The following TRDN variants were observed in gnomAD, a reference collection of about 807,000 sequenced individuals.
TRDN encodes triadin, also known as triadin in skeletal muscle.
Under a neutral mutation model 149.7 loss-of-function variants are expected in TRDN, and 161 were observed. That is an observed-to-expected ratio of 1.08 (90% CI 0.95 to 1.23). The LOEUF is 1.23. TRDN is among the 50% of genes most tolerant of loss of function. The pLI is 0.00. For missense variants in TRDN, 896 were observed against 823.5 expected, an observed-to-expected ratio of 1.09 and a Z score of -1.08; for synonymous variants, 294 against 250.5, an observed-to-expected ratio of 1.17 and a Z score of -1.64.
chr6:123,420,516 C>A (rs1773853429), intron 12 of TRDN, among the ~76,000 whole-genome samples: 1 of 152,134 alleles, frequency 6.6e-6, no homozygotes, highest in South Asian at 2.1e-4. Context: ...CTAATTAAGA[C>A]TCCACATACA....
chr6:123,585,145 G>A (rs148943960), intron 1 of TRDN, among the ~76,000 whole-genome samples: 13,439 of 136,436 alleles, frequency 0.099, 796 homozygotes, highest in African/African-American at 0.16. Context: ...GGGTTAAGGT[G>A]GGGGAATACA....
intron 1 of TRDN, among the ~76,000 whole-genome samples, chr6:123,584,663 C>G (rs1034394127): frequency 6.6e-6 from 1 of 152,094 alleles, no homozygotes; most frequent in Non-Finnish European, 1.5e-5. Context: ...TGAAGCCTTG[C>G]GGCAGTACAG....
chr6:123,342,751 T>C (rs1313279012), intron 21 of TRDN, among the ~76,000 whole-genome samples: 1 of 152,150 alleles, frequency 6.6e-6, no homozygotes, highest in East Asian at 1.9e-4. Context: ...GGGAGCATCC[T>C]GGATTATAAA....
chr6:123,608,055 A>G (rs9482414), intron 1 of TRDN, among the ~76,000 whole-genome samples: 8,320 of 152,076 alleles, frequency 0.055, 245 homozygotes, highest in Non-Finnish European at 0.058. Flanking sequence ...CTATACTCCA[A>G]AATTTACTAA....
intron 18 of TRDN, among the ~76,000 whole-genome samples, chr6:123,377,515 A>G (rs1206807861): frequency 6.6e-6 from 1 of 152,186 alleles, no homozygotes; most frequent in Non-Finnish European, 1.5e-5. Context: ...ACACACATTG[A>G]GGAGCAAGAG....
intron 10 of TRDN, among the ~76,000 whole-genome samples, chr6:123,448,284 C>A (rs1364144010): frequency 1.3e-5 from 2 of 152,160 alleles, no homozygotes; most frequent in African/African-American, 4.8e-5. Context: ...ACTCCACAGG[C>A]AGGGGAAGAA....
chr6:123,459,521 T>G (rs1218792749), intron 10 of TRDN, among the ~76,000 whole-genome samples: 2 of 152,186 alleles, frequency 1.3e-5, no homozygotes, highest in Non-Finnish European at 2.9e-5. Flanking sequence ...ACCATTCTAT[T>G]CTCTTGCCTC....
chr6:123,226,552 A>G (rs1184722555), intron 38 of TRDN, among the ~76,000 whole-genome samples: 1 of 151,890 alleles, frequency 6.6e-6, no homozygotes, highest in Non-Finnish European at 1.5e-5. Flanking sequence ...GCTATAAGTG[A>G]CAAAAGCTGG....
intron 10 of TRDN, among the ~76,000 whole-genome samples, chr6:123,443,713 C>G (rs34744704): frequency 0.27 from 38,478 of 144,284 alleles, 5,733 homozygotes; most frequent in South Asian, 0.35. Flanking sequence ...GTAAGGAAGG[C>G]ATCTAGTTTC....
intron 4 of TRDN, among the ~76,000 whole-genome samples, chr6:123,536,388 T>A (rs967572542): frequency 6.6e-6 from 1 of 152,112 alleles, no homozygotes; most frequent in African/African-American, 2.4e-5. Flanking sequence ...ATTTTACTTG[T>A]TTTTTATGAT....
intron 1 of TRDN, among the ~76,000 whole-genome samples, chr6:123,579,994 C>T (rs1002687337): frequency 6.6e-6 from 1 of 152,210 alleles, no homozygotes; most frequent in Non-Finnish European, 1.5e-5. Context: ...GTCAATTAAA[C>T]CTCTTTCCTT....
At chr6:123,269,937 T>C (rs1021330716) in intron 30 of TRDN, 71 bp from the exon 31 acceptor site, 11 of 1,462,576 alleles carry the variant, frequency 7.5e-6, no homozygotes, top group Middle Eastern at 3.5e-4. Context: ...CTGTTTAGTA[T>C]TTGTATTTAC....
chr6:123,569,368 ATCT>A (rs1434751633), intron 2 of TRDN, among the ~76,000 whole-genome samples: 1 of 152,016 alleles, frequency 6.6e-6, no homozygotes, highest in African/African-American at 2.4e-5. Context: ...TCCTCTTCCT[ATCT>A]TCTTCTGAGC....
chr6:123,288,330 A>G (rs564057358), intron 24 of TRDN, among the ~76,000 whole-genome samples: 1 of 152,214 alleles, frequency 6.6e-6, no homozygotes, highest in African/African-American at 2.4e-5. Flanking sequence ...CAGAGTAGTT[A>G]TTTCTCAGGT....
chr6:123,487,988 C>T (rs1171773169), intron 9 of TRDN, among the ~76,000 whole-genome samples: 1 of 152,058 alleles, frequency 6.6e-6, no homozygotes, highest in Non-Finnish European at 1.5e-5. Context: ...TATTTTTTCT[C>T]TTTTAAATAA....
At chr6:123,528,406 A>G (rs1018290128) in intron 5 of TRDN, among the ~76,000 whole-genome samples, 2 of 151,854 alleles carry the variant, frequency 1.3e-5, no homozygotes, top group Non-Finnish European at 2.9e-5. Context: ...CTATAGAGAA[A>G]TAGAATGTGA....
At chr6:123,427,109 T>C (rs1774154448) in intron 12 of TRDN, among the ~76,000 whole-genome samples, 1 of 152,032 alleles carries the variant, frequency 6.6e-6, no homozygotes, top group Non-Finnish European at 1.5e-5. Flanking sequence ...AATTTTATTT[T>C]TTTAGTGCCC....
intron 12 of TRDN, among the ~76,000 whole-genome samples, chr6:123,406,281 G>A (rs1773185899): frequency 6.6e-6 from 1 of 152,074 alleles, no homozygotes; most frequent in Non-Finnish European, 1.5e-5. Context: ...CCAATATACT[G>A]AAAAGCTCAC....
intron 24 of TRDN, among the ~76,000 whole-genome samples, chr6:123,310,130 G>A (rs1050116873): frequency 2.6e-5 from 4 of 151,934 alleles, no homozygotes; most frequent in African/African-American, 4.8e-5. Flanking sequence ...CCAGTAAATC[G>A]CATATTTCAG....
Sources: gnomAD v4.1 joint callset for allele counts (sites outside exome capture counted in the v4.1 genomes callset) on GRCh38, gnomAD v4.1.1 for gene constraint, MANE v1.5 for transcripts, NCBI Gene and HGNC (gene_info 2026-07-23, HGNC 2026-07-21) for gene names.